RGMB: variants seen among roughly 807,000 people sequenced by gnomAD.
The protein encoded by RGMB is repulsive guidance molecule BMP co-receptor b, also known as repulsive guidance molecule B.
RGMB carries 16 observed loss-of-function variants against 26.9 expected under a neutral mutation model. The observed-to-expected ratio is 0.60, with a 90% CI of 0.40 to 0.90. The LOEUF is 0.90. RGMB is among the 40% of genes least tolerant of loss of function. The pLI is 0.00. For synonymous variants in RGMB, 225 were observed against 229.3 expected (o/e 0.98, Z 0.17); for missense variants, 512 against 573.3 (o/e 0.89, Z 1.09).
At chr5:98,781,150 T>G (rs1191947117) in intron 2 of RGMB, 2 of 152,256 alleles carry the variant, frequency 1.3e-5, no homozygotes, top group African/African-American at 4.8e-5. Flanking sequence ...ATGTGTGGTA[T>G]ACTTTTTAAA....
At chr5:98,770,440 C>T, upstream of RGMB, 1 of 412,666 alleles carries the variant, frequency 2.4e-6, no homozygotes, top group Non-Finnish European at 4.4e-6. Flanking sequence ...GCTTTTTGCA[C>T]CTGCCGTTTT....
chr5:98,784,638 A>G (rs1196144124), intron 2 of RGMB, among the ~76,000 whole-genome samples: 1 of 152,218 alleles, frequency 6.6e-6, no homozygotes, highest in Admixed American at 6.5e-5. Context: ...TTCAGTTGTC[A>G]TTTTAAGTAT....
rs1339173707 is a variant in RGMB, at chr5:98,796,350, C to A, written c.*2597C>A. 3 of 141,460 alleles carry A rather than the reference C, an allele frequency of 2.1e-5. No homozygotes were observed. Among genetic ancestry groups the A allele is most frequent in the Admixed American group, 1.4e-4 (2 of 14,408 alleles). 8.8% of individuals were successfully genotyped at this position (141,460 alleles called of 1,614,324 possible). A position where few individuals can be genotyped will look rare whatever the true frequency, so the allele number is the denominator to read the frequency against. On this transcript the variant is annotated 3_prime_UTR_variant, in exon 3 of 3. Transcript: ENST00000513185. The stretch of plus-strand genomic sequence containing the variant: ...TGCTTGGAAGCTCCCCCCCCCCCAA[C>A]AGTGTGTCGAGTCTTTGCAAAGAAA...
chr5:98,783,797 CAATTCTGAAATTCATTTATTATT>C (rs1218505283), intron 2 of RGMB, among the ~76,000 whole-genome samples: 4 of 152,202 alleles, frequency 2.6e-5, no homozygotes, highest in South Asian at 4.1e-4. Flanking sequence ...TTTTCAAAAA[CAATTCTGAAATTCATTTATTATT>C]AAGTTGCATA....
intron 2 of RGMB, among the ~76,000 whole-genome samples, chr5:98,792,015 G>A (rs1746945179): frequency 6.6e-6 from 1 of 152,322 alleles, no homozygotes; most frequent in South Asian, 2.1e-4. Context: ...AGGGACTCTG[G>A]TGCTGTTTGG....
At chr5:98,776,294 G>A (rs1746397771) in intron 1 of RGMB, among the ~76,000 whole-genome samples, 1 of 152,236 alleles carries the variant, frequency 6.6e-6, no homozygotes, top group Non-Finnish European at 1.5e-5. Context: ...AGAGAAATCT[G>A]TAGCTGCAGA....
At chr5:98,780,361 T>G (rs183015524) in intron 2 of RGMB, 1 of 356,454 alleles carries the variant, frequency 2.8e-6, no homozygotes, top group Admixed American at 4.3e-5. Context: ...CAGACCTGTT[T>G]AGTAAAAAAA....
intron 2 of RGMB, chr5:98,780,314 AAAGT>A: frequency 2.1e-6 from 1 of 476,920 alleles, no homozygotes; most frequent in Admixed American, 3.8e-5. Context: ...TAAAGAATAA[AAAGT>A]AAACAGTGAA....
chr5:98,776,583 C>T (rs1452431679), intron 1 of RGMB, among the ~76,000 whole-genome samples: 2 of 151,558 alleles, frequency 1.3e-5, no homozygotes, highest in Non-Finnish European at 3.0e-5. Flanking sequence ...CTGGATATTT[C>T]TGGGTGTATG....
Position 98,796,072 on chromosome 5 carries a change from A to G in RGMB, c.*2319A>G, listed in dbSNP as rs1055044802. On this transcript the variant is annotated 3_prime_UTR_variant, in exon 3 of 3. Coordinates refer to ENST00000513185, the MANE Select transcript of RGMB (RefSeq NM_001366508.1). ...CAATCCCCACAGATTACTTTCAGAA[A>G]TAGATGTATTTCTCTACGTAAGGGC... 1 of 152,200 alleles carries G rather than the reference A, an allele frequency of 6.6e-6. No individual in the cohort carries two copies. Among genetic ancestry groups the G allele is most frequent in the Non-Finnish European group, 1.5e-5 (1 of 68,036 alleles). The allele number at this position is 152,200 out of a possible 1,614,324, so 9.4% of individuals were successfully genotyped here.
Position 98,780,102 on chromosome 5 carries a change from C to CT in RGMB, c.645+20dup, listed in dbSNP as rs760062238. On this transcript the variant is annotated intron_variant, in intron 2 of 2. Transcript: ENST00000513185. ...GCTACAAATAAGGCAAGTATACCTT[C>CT]TTTTTTCCCTCTCCCTACTCAACTT... is the stretch of plus-strand genomic sequence containing the variant. The CT allele has an allele frequency of 1.0e-5, 16 of 1,593,864 alleles. No individual in the cohort carries two copies. In the Admixed American group the frequency reaches 1.9e-4, roughly 19 times the overall value.
intron 2 of RGMB, 133 bp downstream of exon 2, chr5:98,780,221 A>G (rs1334449183): frequency 2.6e-6 from 2 of 774,290 alleles, no homozygotes; most frequent in Non-Finnish European, 4.1e-6. Context: ...TTAACAGTTG[A>G]TAAAGGGTTA....
chr5:98,781,565 G>A (rs559422593), intron 2 of RGMB, among the ~76,000 whole-genome samples: 133 of 152,196 alleles, frequency 8.7e-4, no homozygotes, highest in African/African-American at 2.8e-3. Context: ...ATGAAAGCTG[G>A]GAATAGTCTT....
At chr5:98,777,999 G>T (rs1355931289) in intron 1 of RGMB, among the ~76,000 whole-genome samples, 1 of 152,042 alleles carries the variant, frequency 6.6e-6, no homozygotes, top group Non-Finnish European at 1.5e-5. Flanking sequence ...CATCATCTCT[G>T]TAGCAAAATG....
In RGMB at chr5:98,773,952, G is replaced by A. The variant is rs373815653; in HGVS notation, c.-119G>A. On this transcript the variant is annotated 5_prime_UTR_variant, in exon 1 of 3. Coordinates refer to ENST00000513185, the MANE Select transcript of RGMB (RefSeq NM_001366508.1). ...GCCCCATCTGCTACACGGGCCTGAA[G>A]AAGGAAGAAGAGGAAGCGAAGCGCG... 4.8e-3 allele frequency: 2,996 copies of A among 619,632 alleles called. 120 individuals carry two copies. In the South Asian group the frequency reaches 0.051, roughly 11 times the overall value. The allele number at this position is 619,632 out of a possible 1,614,324, so 38.4% of individuals were successfully genotyped here.
chr5:98,793,731 T>C lies in RGMB; in HGVS notation c.1292T>C (p.Leu431Ser). Reference sequence around the variant, plus strand: ...TCTGTCAGTCTAGGACTCACCTGCTTGATCCTTATCGTGTTTTTGTAGGGG... The same window carrying C: ...TCTGTCAGTCTAGGACTCACCTGCTCGATCCTTATCGTGTTTTTGTAGGGG... ...DLSVSLGLTC[L>S]ILIVFL Residue 431 changes from leucine (L) to serine (S), a missense_variant, in exon 3 of 3, where the codon TTG (leucine) becomes TCG (serine). By Grantham distance (145) the Leu-to-Ser change is moderately radical. Coordinates refer to ENST00000513185, the MANE Select transcript of RGMB (RefSeq NM_001366508.1). 6.3e-7 allele frequency: 1 copy of C among 1,589,472 alleles called. No individual in the cohort carries two copies. Among genetic ancestry groups the C allele is most frequent in the Non-Finnish European group, 8.6e-7 (1 of 1,166,460 alleles).
chr5:98,793,948 A>G lies in RGMB; in HGVS notation c.*195A>G. On this transcript the variant is annotated 3_prime_UTR_variant, in exon 3 of 3. Transcript: ENST00000513185. ...CATATGTTGGATGTAGTGTTCTTTG[A>G]TTGTATCAATTTTGTTTTGCAGTTC... 1 of 503,902 alleles carries G rather than the reference A, an allele frequency of 2.0e-6. No individual in the cohort carries two copies. 31.2% of individuals were successfully genotyped at this position (503,902 alleles called of 1,614,324 possible).
rs924824391 is a variant in RGMB at position 98,774,062 on chromosome 5, T to C, written c.-9T>C. The C allele has an allele frequency of 4.3e-6, 4 of 923,982 alleles. No individual in the cohort carries two copies. The highest frequency in any genetic ancestry group is 1.5e-5 in the South Asian group (1 of 68,144). 57.2% of individuals were successfully genotyped at this position (923,982 alleles called of 1,614,324 possible). On this transcript the variant is annotated 5_prime_UTR_variant, in exon 1 of 3. An upstream start codon of the reference 5' UTR is lost. Coordinates refer to ENST00000513185, the MANE Select transcript of RGMB (RefSeq NM_001366508.1). Reference sequence around the variant, plus strand: ...CTCGCCGGAGCCCACGAGACCTGCATGGACGGGCATGGGCTTGAGAGCAGC... The same window carrying C: ...CTCGCCGGAGCCCACGAGACCTGCACGGACGGGCATGGGCTTGAGAGCAGC...
intron 1 of RGMB, among the ~76,000 whole-genome samples, chr5:98,778,081 T>G (rs983128222): frequency 6.6e-6 from 1 of 152,192 alleles, no homozygotes; most frequent in African/African-American, 2.4e-5. Flanking sequence ...TTTAAAATTT[T>G]GCAAATTTAA....
Sources: allele counts gnomAD v4.1 joint callset (sites outside exome capture counted in the v4.1 genomes callset), GRCh38; gene constraint gnomAD v4.1.1; transcripts MANE v1.5; gene names NCBI Gene and HGNC (gene_info 2026-07-23, HGNC 2026-07-21).